Variants in PCCA observed in about 807,000 individuals in gnomAD.
PCCA encodes propionyl-CoA carboxylase subunit alpha.
PCCA carries 74 observed loss-of-function variants against 101.3 expected under a neutral mutation model. The ratio of observed to expected loss-of-function variants is 0.73; its 90% CI spans 0.61 to 0.89. PCCA has a LOEUF of 0.89. Among genes scored for constraint, PCCA ranks in the 40% least tolerant of loss-of-function variants. PCCA has a pLI of 0.00. For missense variants in PCCA, 891 were observed against 907.0 expected, an observed-to-expected ratio of 0.98 and a Z score of 0.23; for synonymous variants, 294 against 313.6, an observed-to-expected ratio of 0.94 and a Z score of 0.66.
At chr13:100,471,970 C>T (rs1013358695) in intron 21 of PCCA, among the ~76,000 whole-genome samples, 4 of 152,050 alleles carry the variant, frequency 2.6e-5, no homozygotes, top group Admixed American at 1.3e-4. Flanking sequence ...AGTAGGCAGG[C>T]GGACACTTGG....
chr13:100,177,172 A>G (rs1346050101), intron 6 of PCCA, among the ~76,000 whole-genome samples: 1 of 152,234 alleles, frequency 6.6e-6, no homozygotes, highest in East Asian at 1.9e-4. Flanking sequence ...TCAGTAAGAC[A>G]TGAATTATCA....
chr13:100,374,732 T>C (rs939122032), intron 19 of PCCA, among the ~76,000 whole-genome samples: 1 of 152,106 alleles, frequency 6.6e-6, no homozygotes, highest in African/African-American at 2.4e-5. Context: ...TTTGAAAAAT[T>C]TTGCCTGATG....
intron 21 of PCCA, among the ~76,000 whole-genome samples, chr13:100,449,511 G>A (rs924164013): frequency 2.6e-5 from 4 of 152,086 alleles, no homozygotes; most frequent in Admixed American, 2.6e-4. Flanking sequence ...TTTTGAGACA[G>A]AGTCTCACTG....
intron 22 of PCCA, among the ~76,000 whole-genome samples, chr13:100,524,412 T>TGTGTGTGTGTGTGTGTGTGTGTGTG (rs59438858): frequency 1.3e-5 from 2 of 148,922 alleles, no homozygotes; most frequent in South Asian, 2.1e-4. Context: ...TGTGTGTGTG[T>TGTGTGTGTGTGTGTGTGTGTGTGTG]TGGGGTAGAA....
At chr13:100,372,568 C>T (rs756818087) in intron 19 of PCCA, among the ~76,000 whole-genome samples, 3 of 152,144 alleles carry the variant, frequency 2.0e-5, no homozygotes, top group Non-Finnish European at 4.4e-5. Flanking sequence ...CCATTCTAAA[C>T]ACTATAAATA....
chr13:100,330,118 C>G (rs2152732936), intron 16 of PCCA, among the ~76,000 whole-genome samples: 1 of 152,294 alleles, frequency 6.6e-6, no homozygotes, highest in Admixed American at 6.5e-5. Flanking sequence ...AACACTTCCA[C>G]AACCAGCAGG....
chr13:100,215,421 C>T (rs529394901), intron 7 of PCCA, among the ~76,000 whole-genome samples: 1 of 152,212 alleles, frequency 6.6e-6, no homozygotes, highest in Non-Finnish European at 1.5e-5. Context: ...AACATATGTT[C>T]TATGTTGAAA....
chr13:100,399,533 A>T (rs1423240967), intron 19 of PCCA, among the ~76,000 whole-genome samples: 1 of 152,216 alleles, frequency 6.6e-6, no homozygotes, highest in Non-Finnish European at 1.5e-5. Flanking sequence ...CCTTCTAACC[A>T]TCACTCATTT....
At chr13:100,497,423 G>A (rs2085351665) in intron 21 of PCCA, among the ~76,000 whole-genome samples, 1 of 151,776 alleles carries the variant, frequency 6.6e-6, no homozygotes, top group Non-Finnish European at 1.5e-5. Flanking sequence ...TTGTGGAATG[G>A]TAAAGCAGTG....
At chr13:100,145,622 G>A (rs2152354625) in intron 4 of PCCA, among the ~76,000 whole-genome samples, 1 of 152,226 alleles carries the variant, frequency 6.6e-6, no homozygotes, top group South Asian at 2.1e-4. Flanking sequence ...CCAGCACTTT[G>A]GAAGGCCAAG....
chr13:100,115,446 T>G (rs1298939684), intron 4 of PCCA, among the ~76,000 whole-genome samples: 6 of 152,132 alleles, frequency 3.9e-5, no homozygotes, highest in Admixed American at 3.9e-4. Context: ...GTAACACAAA[T>G]AAATGAATGA....
chr13:100,343,084 TA>T (rs1192253916), intron 18 of PCCA, among the ~76,000 whole-genome samples: 1 of 152,060 alleles, frequency 6.6e-6, no homozygotes, highest in Non-Finnish European at 1.5e-5. Flanking sequence ...TAATCCCAGC[TA>T]CTAGGGAGGC....
intron 20 of PCCA, among the ~76,000 whole-genome samples, chr13:100,445,135 C>T (rs568015939): frequency 6.6e-6 from 1 of 152,204 alleles, no homozygotes; most frequent in South Asian, 2.1e-4. Context: ...GAGGGAGGTG[C>T]CAGGCTCTTT....
rs943223466 is a variant in PCCA, at chr13:100,234,868, T to G, written c.601-974T>G. 4.0e-5 allele frequency among the ~76,000 whole-genome samples: 6 copies of G among 151,504 alleles called. No individual in the cohort carries two copies. In the South Asian group the frequency reaches 1.3e-3, roughly 32 times the overall value. The stretch of plus-strand genomic sequence containing the variant: ...AATATTGTCAGTCTTTGTGGTAGTT[T>G]AGTTTGTGTCACTGAATTACACAAA... On this transcript the variant is annotated intron_variant, in intron 7 of 23. Coordinates refer to ENST00000376285, the MANE Select transcript of PCCA (RefSeq NM_000282.4).
chr13:100,366,832 CAT>C (rs2075212786), intron 18 of PCCA, among the ~76,000 whole-genome samples: 2 of 151,998 alleles, frequency 1.3e-5, no homozygotes, highest in South Asian at 2.1e-4. Context: ...GTATTTAAAA[CAT>C]ATCCTTATCT....
intron 21 of PCCA, chr13:100,491,818 C>T: frequency 8.7e-6 from 9 of 1,036,578 alleles, no homozygotes; most frequent in South Asian, 2.1e-5. Context: ...TATTTTGGTC[C>T]CTTTTTTTCT....
At position 100,325,198 on chromosome 13, in the gene PCCA, A is replaced by T. The variant is rs1480045380; in HGVS notation, c.1430-5363A>T. Among the ~76,000 whole-genome samples the T allele has an allele frequency of 3.9e-5, 6 of 152,178 alleles. 1 individual carries two copies. In the South Asian group the frequency reaches 1.0e-3, roughly 26 times the overall value. On this transcript the variant is annotated intron_variant, in intron 16 of 23. Coordinates refer to ENST00000376285, the MANE Select transcript of PCCA (RefSeq NM_000282.4). ...TTTTTTGTGAAACACCTTTCATTTC[A>T]TATTGAAGATGCAGCTTTTATGTGG...
At chr13:100,335,978 T>C (rs1287877383) in intron 17 of PCCA, among the ~76,000 whole-genome samples, 1 of 152,098 alleles carries the variant, frequency 6.6e-6, no homozygotes, top group Non-Finnish European at 1.5e-5. Flanking sequence ...AATACAACAC[T>C]GTGGCCGGGC....
At chr13:100,111,036 G>A (rs1015550789) in intron 2 of PCCA, among the ~76,000 whole-genome samples, 1 of 151,650 alleles carries the variant, frequency 6.6e-6, no homozygotes, top group African/African-American at 2.4e-5. Flanking sequence ...ATTTAGAGAT[G>A]GAGACTCGCT....
Sources: gnomAD v4.1 joint callset for allele counts (sites outside exome capture counted in the v4.1 genomes callset) on GRCh38, gnomAD v4.1.1 for gene constraint, MANE v1.5 for transcripts, NCBI Gene and HGNC (gene_info 2026-07-23, HGNC 2026-07-21) for gene names.